Variants in FHIT observed in about 807,000 individuals in gnomAD.
FHIT encodes the protein fragile histidine triad diadenosine triphosphatase.
In FHIT, 19 loss-of-function variants were observed where a neutral mutation model predicts 17.9. The observed-to-expected ratio is 1.06, with a 90% CI of 0.74 to 1.56. The LOEUF (loss-of-function observed/expected upper bound fraction) is 1.56. FHIT is among the 40% of genes most tolerant of loss of function. The probability of loss-of-function intolerance (pLI) is 0.00; values close to 1 mark genes in which losing one functional copy is unlikely to be tolerated. For synonymous variants in FHIT, 81 were observed against 69.7 expected (o/e 1.16, Z -0.81); for missense variants, 248 against 189.2 (o/e 1.31, Z -1.82).
At chr3:60,025,581 G>A (rs1476186570) in intron 5 of FHIT, among the ~76,000 whole-genome samples, 4 of 152,044 alleles carry the variant, frequency 2.6e-5, no homozygotes, top group African/African-American at 9.7e-5. Context: ...CCATAACACC[G>A]AAGTCATTTT....
chr3:61,173,416 A>ATG (rs1246657564), intron 2 of FHIT, among the ~76,000 whole-genome samples: 2 of 152,118 alleles, frequency 1.3e-5, no homozygotes, highest in Non-Finnish European at 2.9e-5. Context: ...ACCTCATTGT[A>ATG]TGTGTGTGTG....
intron 5 of FHIT, among the ~76,000 whole-genome samples, chr3:60,133,079 T>C (rs1699664396): frequency 6.6e-6 from 1 of 152,132 alleles, no homozygotes; most frequent in African/African-American, 2.4e-5. Context: ...TAATGTGGAT[T>C]GATACTAAAA....
At chr3:61,049,071 C>G (rs2106640410) in intron 2 of FHIT, among the ~76,000 whole-genome samples, 1 of 151,972 alleles carries the variant, frequency 6.6e-6, no homozygotes, top group Non-Finnish European at 1.5e-5. Context: ...TACATGTATA[C>G]ATATGTAACA....
intron 4 of FHIT, among the ~76,000 whole-genome samples, chr3:60,811,220 A>G (rs577385728): frequency 2.0e-5 from 3 of 152,312 alleles, no homozygotes; most frequent in African/African-American, 4.8e-5. Context: ...GATTTCTACC[A>G]TGAGCCTTTA....
intron 5 of FHIT, among the ~76,000 whole-genome samples, chr3:60,441,319 A>G (rs2030779196): frequency 6.6e-6 from 1 of 152,056 alleles, no homozygotes; most frequent in African/African-American, 2.4e-5. Context: ...ATAACTGTAC[A>G]AGTTTCTAAA....
intron 5 of FHIT, among the ~76,000 whole-genome samples, chr3:60,139,220 G>A (rs530061894): frequency 6.6e-6 from 1 of 152,270 alleles, no homozygotes; most frequent in African/African-American, 2.4e-5. Flanking sequence ...ACGTGATGAG[G>A]AGGCTAGCAA....
At chr3:61,112,354 G>A (rs1298578448) in intron 2 of FHIT, among the ~76,000 whole-genome samples, 5 of 151,402 alleles carry the variant, frequency 3.3e-5, no homozygotes, top group African/African-American at 4.9e-5. Context: ...AAAGACAGGC[G>A]GCCCCAGTTT....
At chr3:60,873,072 C>T (rs1553755397) in intron 3 of FHIT, among the ~76,000 whole-genome samples, 1 of 151,738 alleles carries the variant, frequency 6.6e-6, no homozygotes, top group African/African-American at 2.4e-5. Context: ...AGCATGCCAA[C>T]CAACTTGGGT....
intron 4 of FHIT, among the ~76,000 whole-genome samples, chr3:60,715,396 T>C (rs1577107221): frequency 6.6e-6 from 1 of 151,884 alleles, no homozygotes; most frequent in Non-Finnish European, 1.5e-5. Flanking sequence ...ATAGACTGGA[T>C]TAAGAAATTG....
chr3:60,096,152 C>A (rs924708667), intron 5 of FHIT, among the ~76,000 whole-genome samples: 1 of 152,042 alleles, frequency 6.6e-6, no homozygotes, highest in Non-Finnish European at 1.5e-5. Flanking sequence ...CAGGCCGAGT[C>A]TGACTTGCAC....
intron 5 of FHIT, among the ~76,000 whole-genome samples, chr3:60,046,451 G>T (rs374770554): frequency 6.6e-6 from 1 of 152,156 alleles, no homozygotes; most frequent in African/African-American, 2.4e-5. Flanking sequence ...AAGAGGGCTC[G>T]GCCAGCTGAC....
intron 7 of FHIT, among the ~76,000 whole-genome samples, chr3:59,937,358 TAGTC>T (rs995920781): frequency 3.3e-5 from 5 of 152,164 alleles, no homozygotes; most frequent in South Asian, 2.1e-4. Flanking sequence ...AAGATACAGA[TAGTC>T]AGCCTCTGCA....
chr3:60,336,165 A>T (rs547399994), intron 5 of FHIT, among the ~76,000 whole-genome samples: 1 of 152,176 alleles, frequency 6.6e-6, no homozygotes, highest in Non-Finnish European at 1.5e-5. Flanking sequence ...GTGCACTCCT[A>T]TGTAATCTGA....
chr3:61,125,954 T>C (rs111440927), intron 2 of FHIT, among the ~76,000 whole-genome samples: 3 of 152,220 alleles, frequency 2.0e-5, no homozygotes, highest in African/African-American at 7.2e-5. Context: ...TCCAATTTTA[T>C]AGATAGGTAA....
rs1479080225 is a variant in FHIT at position 60,840,453 on chromosome 3, G to A, written c.-110-18442C>T. 3.3e-5 allele frequency among the ~76,000 whole-genome samples: 5 copies of A among 152,304 alleles called. No individual in the cohort carries two copies. The East Asian group carries it at 9.7e-4, about 29-fold the overall frequency. On this transcript the variant is annotated intron_variant, in intron 3 of 9. Transcript: ENST00000492590. Reference sequence around the variant, plus strand: ...CATGTGAATGAATCAATTCTGCAGAGGTGAAAAGTTATTCCTACAAAGTCC... The same window carrying A: ...CATGTGAATGAATCAATTCTGCAGAAGTGAAAAGTTATTCCTACAAAGTCC...
At chr3:61,105,497 T>A (rs942843118) in intron 2 of FHIT, among the ~76,000 whole-genome samples, 4 of 152,052 alleles carry the variant, frequency 2.6e-5, no homozygotes, top group African/African-American at 9.7e-5. Context: ...ATGGTGAGAG[T>A]CTGCAAATTC....
At chr3:60,357,814 GGCCA>G (rs1699740372) in intron 5 of FHIT, among the ~76,000 whole-genome samples, 1 of 77,130 alleles carries the variant, frequency 1.3e-5, no homozygotes, top group Non-Finnish European at 3.5e-5. Context: ...TTAATCACAT[GGCCA>G]TCATAGTCTT....
chr3:59,951,909 G>C (rs911824845), intron 7 of FHIT, among the ~76,000 whole-genome samples: 12 of 152,206 alleles, frequency 7.9e-5, no homozygotes, highest in Admixed American at 2.6e-4. Context: ...AACCACCTTG[G>C]CTCAATAGTC....
chr3:60,720,323 C>A (rs570673809), intron 4 of FHIT, among the ~76,000 whole-genome samples: 7 of 152,234 alleles, frequency 4.6e-5, no homozygotes, highest in African/African-American at 1.7e-4. Flanking sequence ...GAACCTCCTA[C>A]CCAGCAGCCA....
Sources: allele counts gnomAD v4.1 joint callset (sites outside exome capture counted in the v4.1 genomes callset), GRCh38; gene constraint gnomAD v4.1.1; transcripts MANE v1.5; gene names NCBI Gene and HGNC (gene_info 2026-07-23, HGNC 2026-07-21).